Variants in KCNA6 observed in about 807,000 individuals in gnomAD.
KCNA6 encodes the protein potassium voltage-gated channel subfamily A member 6.
In KCNA6, 17 loss-of-function variants were observed where a neutral mutation model predicts 29.5. The ratio of observed to expected loss-of-function variants is 0.58; its 90% CI spans 0.39 to 0.86. The LOEUF (loss-of-function observed/expected upper bound fraction) is 0.86, where lower values mean the gene tolerates loss of function less well. Among genes scored for constraint, KCNA6 ranks in the 40% least tolerant of loss-of-function variants. The probability of loss-of-function intolerance (pLI) is 0.00; values close to 1 mark genes in which losing one functional copy is unlikely to be tolerated. For missense variants in KCNA6, 450 were observed against 703.4 expected (o/e 0.64, Z 4.07); for synonymous variants, 296 against 304.7 (o/e 0.97, Z 0.30).
chr12:4,834,253 T>C, the KCNA6 span, among the ~76,000 whole-genome samples: 1 of 152,088 alleles, frequency 6.6e-6, no homozygotes, highest in African/African-American at 2.4e-5. Context: ...TTCTTTGAAG[T>C]GTTGGCTTCC....
At position 4,810,170 on chromosome 12, in the gene KCNA6, G is replaced by A; in HGVS notation, c.129G>A (p.Leu43=). ...GGGGCTGCTGTAGTAGCGAGCGGCT[G>A]GTGATCAATATCTCCGGGCTGCGCT... Residue 43 remains leucine (L), a synonymous_variant, in exon 1 of 1, where the codon CTG becomes CTA. Coordinates refer to ENST00000280684, the Ensembl canonical transcript of KCNA6. This position sits in a 1 kb window ranked among gnomAD's most constrained non-coding sequence, Gnocchi z 7.5. 6.2e-7 allele frequency: 1 copy of A among 1,611,498 alleles called. No homozygotes were observed. Among genetic ancestry groups the A allele is most frequent in the South Asian group, 1.1e-5 (1 of 90,906 alleles).
chr12:4,830,069 C>T, the KCNA6 span, among the ~76,000 whole-genome samples: 1 of 152,214 alleles, frequency 6.6e-6, no homozygotes, highest in African/African-American at 2.4e-5. Context: ...GCTCGCGAGG[C>T]TCTTTCTTCC....
At chr12:4,844,228 G>A in the KCNA6 span, among the ~76,000 whole-genome samples, 2 of 152,164 alleles carry the variant, frequency 1.3e-5, no homozygotes. The surrounding 1 kb of genome is among the most constrained non-coding windows in gnomAD (Gnocchi z 4.0). Flanking sequence ...CCCTGTCCTC[G>A]TGGTGCTTTC....
chr12:4,846,802 G>A, the KCNA6 span, among the ~76,000 whole-genome samples: 8 of 137,788 alleles, frequency 5.8e-5, no homozygotes, highest in Non-Finnish European at 9.1e-5. Context: ...AATTTGAGAC[G>A]GAGTCTCGCT....
At chr12:4,850,767 G>A in the KCNA6 span, 1 of 451,308 alleles carries the variant, frequency 2.2e-6, no homozygotes, top group Non-Finnish European at 4.5e-6. This position sits in a 1 kb window ranked among gnomAD's most constrained non-coding sequence, Gnocchi z 5.4. Context: ...TGCAAGCAAG[G>A]ACATCTATGC....
the KCNA6 span, among the ~76,000 whole-genome samples, chr12:4,831,209 G>A: frequency 6.6e-6 from 1 of 152,228 alleles, no homozygotes; most frequent in Admixed American, 6.5e-5. Context: ...AACAGAGGGA[G>A]CCTTGGTGCA....
the KCNA6 span, among the ~76,000 whole-genome samples, chr12:4,837,053 G>C: frequency 6.6e-6 from 1 of 152,184 alleles, no homozygotes; most frequent in Non-Finnish European, 1.5e-5. Context: ...GGATTATAGG[G>C]CTGGAACTTT....
In KCNA6 at chr12:4,811,352, C is replaced by T. The variant is rs865951554; in HGVS notation, c.1311C>T (p.Ile437=). Residue 437 remains isoleucine (I), a synonymous_variant, in exon 1 of 1, where the codon ATC becomes ATT. Coordinates refer to ENST00000280684, the Ensembl canonical transcript of KCNA6. This position sits in a 1 kb window ranked among gnomAD's most constrained non-coding sequence, Gnocchi z 7.1. ...ACCCCATGACTGTGGGGGGAAAGAT[C>T]GTGGGCTCGCTGTGTGCCATCGCTG... The T allele has an allele frequency of 6.2e-7, 1 of 1,613,904 alleles. No homozygotes were observed.
At chr12:4,825,359 G>A in the KCNA6 span, among the ~76,000 whole-genome samples, 1 of 152,212 alleles carries the variant, frequency 6.6e-6, no homozygotes, top group East Asian at 1.9e-4. Context: ...GCTCTGAGAA[G>A]TCCTGCAGCA....
chr12:4,833,583 G>T, the KCNA6 span, among the ~76,000 whole-genome samples: 1 of 152,212 alleles, frequency 6.6e-6, no homozygotes, highest in Non-Finnish European at 1.5e-5. Flanking sequence ...AGCATTTTTT[G>T]TAGTGGGTCT....
the KCNA6 span, among the ~76,000 whole-genome samples, chr12:4,842,868 G>C: frequency 1.3e-5 from 2 of 152,176 alleles, no homozygotes; most frequent in South Asian, 4.1e-4. Context: ...CAGTGTAATG[G>C]ATTGGAGGGA....
At chr12:4,847,584 T>A in the KCNA6 span, among the ~76,000 whole-genome samples, 4 of 152,170 alleles carry the variant, frequency 2.6e-5, no homozygotes, top group Non-Finnish European at 5.9e-5. Context: ...TTCCTTTTTT[T>A]AATAGCAGCC....
chr12:4,844,683 G>C, the KCNA6 span, among the ~76,000 whole-genome samples: 3 of 152,092 alleles, frequency 2.0e-5, no homozygotes, highest in Admixed American at 2.0e-4. The surrounding 1 kb of genome is among the most constrained non-coding windows in gnomAD (Gnocchi z 4.0). Context: ...GCTACCATAA[G>C]GACTGTGACT....
In KCNA6 at chr12:4,810,679, G is replaced by A. The variant is rs1479006895; in HGVS notation, c.638G>A (p.Arg213Gln). 3 of 1,614,018 alleles carry A rather than the reference G, an allele frequency of 1.9e-6. No homozygotes were observed. The highest frequency in any genetic ancestry group is 2.7e-5 in the African/African-American group (2 of 74,968). ...GGTGGAAACAATGGTGGTGTGAGTC[G>A]AGTCTCCCCAGTTTCCAGGGGGAGT... is the stretch of plus-strand genomic sequence containing the variant. The change falls in exon 1 of 1, where the codon CGA becomes CAA. Residue 213 changes from arginine (R) to glutamine (Q), a missense_variant. This residue lies in a region of KCNA6 where 74 missense variants were observed against 71.5 expected (regional missense o/e 1.03). Coordinates refer to ENST00000280684, the Ensembl canonical transcript of KCNA6. This position sits in a 1 kb window ranked among gnomAD's most constrained non-coding sequence, Gnocchi z 7.5.
the KCNA6 span, among the ~76,000 whole-genome samples, chr12:4,832,453 C>T: frequency 1.3e-5 from 2 of 152,244 alleles, no homozygotes; most frequent in Admixed American, 6.5e-5. Context: ...GGTTATGGGG[C>T]GGTGGCCTGA....
downstream of KCNA6, among the ~76,000 whole-genome samples, chr12:4,817,323 T>C (rs1946692042): frequency 6.6e-6 from 1 of 152,170 alleles, no homozygotes; most frequent in Admixed American, 6.5e-5. Context: ...TTCCCAGACA[T>C]AGGCCGCGGG....
At chr12:4,843,185 C>CT in the KCNA6 span, among the ~76,000 whole-genome samples, 100,616 of 146,886 alleles carry the variant, frequency 0.68, 35,079 homozygotes, top group African/African-American at 0.76. Context: ...AAATTCTTTA[C>CT]TTTTTTTTTT....
the KCNA6 span, among the ~76,000 whole-genome samples, chr12:4,825,252 C>A: frequency 6.6e-6 from 1 of 152,162 alleles, no homozygotes; most frequent in East Asian, 1.9e-4. Context: ...GAACATCAGT[C>A]CTACGCAACT....
the KCNA6 span, among the ~76,000 whole-genome samples, chr12:4,827,797 T>C: frequency 6.6e-6 from 1 of 152,198 alleles, no homozygotes; most frequent in South Asian, 2.1e-4. Flanking sequence ...CCTGCTGCTT[T>C]TCGGTGTGTG....
Sources: gnomAD v4.1 joint callset for allele counts (sites outside exome capture counted in the v4.1 genomes callset) on GRCh38, gnomAD v4.1.1 for gene constraint, gnomAD v4.1.1 regional missense constraint, Gnocchi (gnomAD v3.1) non-coding constraint, MANE v1.5 for transcripts, NCBI Gene and HGNC (gene_info 2026-07-23, HGNC 2026-07-21) for gene names.